Variants in CCSER1 observed in about 807,000 individuals in gnomAD.
CCSER1 encodes serine-rich coiled-coil domain-containing protein 1.
In CCSER1, 41 loss-of-function variants were observed where a neutral mutation model predicts 82.0. That is an observed-to-expected ratio of 0.50 (90% CI 0.39 to 0.65). The LOEUF (loss-of-function observed/expected upper bound fraction) is 0.65, where lower values mean the gene tolerates loss of function less well. CCSER1 is among the 30% of genes least tolerant of loss of function. The probability of loss-of-function intolerance (pLI) is 0.00; values close to 1 mark genes in which losing one functional copy is unlikely to be tolerated. For synonymous variants in CCSER1, 414 were observed against 383.9 expected, an observed-to-expected ratio of 1.08 and a Z score of -0.92; for missense variants, 1,119 against 1,064.2, an observed-to-expected ratio of 1.05 and a Z score of -0.72.
intron 9 of CCSER1, among the ~76,000 whole-genome samples, chr4:91,078,775 G>T (rs145266211): frequency 6.6e-6 from 1 of 152,194 alleles, no homozygotes; most frequent in Non-Finnish European, 1.5e-5. Context: ...CGAGAACTAC[G>T]TGATGAATGC....
intron 3 of CCSER1, among the ~76,000 whole-genome samples, chr4:90,373,159 G>A (rs1209842404): frequency 1.3e-5 from 2 of 152,002 alleles, no homozygotes; most frequent in East Asian, 1.9e-4. Context: ...AGATGTATAG[G>A]GAGTGTATGT....
At chr4:91,540,097 A>G (rs1476910284) in intron 10 of CCSER1, among the ~76,000 whole-genome samples, 1 of 152,044 alleles carries the variant, frequency 6.6e-6, no homozygotes, top group African/African-American at 2.4e-5. Context: ...GAGCTTTTTT[A>G]TGCTCATAGA....
At chr4:90,841,140 C>T (rs116597168) in intron 8 of CCSER1, among the ~76,000 whole-genome samples, 25,481 of 150,618 alleles carry the variant, frequency 0.17, 2,542 homozygotes, top group South Asian at 0.27. Flanking sequence ...AAACCTCAGC[C>T]AATGTAGAAG....
chr4:91,577,664 C>G (rs1763515059), intron 10 of CCSER1, among the ~76,000 whole-genome samples: 2 of 151,880 alleles, frequency 1.3e-5, no homozygotes, highest in Non-Finnish European at 1.5e-5. Flanking sequence ...TTAAGCGATA[C>G]TTGAGAATAT....
intron 1 of CCSER1, among the ~76,000 whole-genome samples, chr4:90,174,337 C>T (rs924867151): frequency 1.2e-4 from 18 of 151,948 alleles, no homozygotes; most frequent in Non-Finnish European, 2.4e-4. Flanking sequence ...TAACAGGGAT[C>T]AGATCTGACC....
chr4:90,573,369 A>G (rs1459810434), intron 5 of CCSER1, among the ~76,000 whole-genome samples: 3 of 152,230 alleles, frequency 2.0e-5, no homozygotes, highest in South Asian at 4.1e-4. Context: ...ATATGGGACT[A>G]TAGGGATATC....
At chr4:90,569,822 T>G (rs1579220017) in intron 5 of CCSER1, among the ~76,000 whole-genome samples, 2 of 152,272 alleles carry the variant, frequency 1.3e-5, no homozygotes, top group African/African-American at 4.8e-5. Context: ...CTGAGGTGCA[T>G]CTGATCCATC....
intron 10 of CCSER1, among the ~76,000 whole-genome samples, chr4:91,474,524 C>G (rs1757457834): frequency 6.6e-6 from 1 of 151,228 alleles, no homozygotes; most frequent in African/African-American, 2.4e-5. Context: ...ATGATTACAT[C>G]AATTTTTTAA....
intron 3 of CCSER1, among the ~76,000 whole-genome samples, chr4:90,391,487 C>CATAT (rs1270234370): frequency 2.0e-5 from 1 of 49,076 alleles, no homozygotes; most frequent in African/African-American, 1.2e-4. Flanking sequence ...TATATATATA[C>CATAT]ACACACACAG....
chr4:90,894,255 C>G (rs1227346828), intron 8 of CCSER1, among the ~76,000 whole-genome samples: 1 of 152,000 alleles, frequency 6.6e-6, no homozygotes, highest in Non-Finnish European at 1.5e-5. Context: ...ATATTACTTA[C>G]TTTATAGCTT....
chr4:90,232,231 G>T (rs982089379), intron 1 of CCSER1, among the ~76,000 whole-genome samples: 2 of 151,708 alleles, frequency 1.3e-5, no homozygotes, highest in African/African-American at 4.9e-5. Flanking sequence ...TATACTACAA[G>T]GCTACAGTAA....
At chr4:90,301,675 C>T (rs1279279723) in intron 1 of CCSER1, among the ~76,000 whole-genome samples, 1 of 151,980 alleles carries the variant, frequency 6.6e-6, no homozygotes. Flanking sequence ...GTTCAACCTT[C>T]ATATTTTTAA....
At chr4:90,217,329 T>C (rs1325637052) in intron 1 of CCSER1, among the ~76,000 whole-genome samples, 1 of 152,170 alleles carries the variant, frequency 6.6e-6, no homozygotes, top group Non-Finnish European at 1.5e-5. Context: ...CCTGAGTAGC[T>C]GGAATTACAG....
intron 10 of CCSER1, among the ~76,000 whole-genome samples, chr4:91,228,619 A>G (rs2149111359): frequency 6.6e-6 from 1 of 152,216 alleles, no homozygotes; most frequent in South Asian, 2.1e-4. Flanking sequence ...AAATTTAAAG[A>G]AGTATTTTGA....
intron 10 of CCSER1, among the ~76,000 whole-genome samples, chr4:91,539,946 C>G (rs544612356): frequency 2.6e-5 from 4 of 151,748 alleles, no homozygotes; most frequent in Non-Finnish European, 1.5e-5. Flanking sequence ...TGATGTGATT[C>G]GATAAAAGAA....
intron 6 of CCSER1, among the ~76,000 whole-genome samples, chr4:90,633,788 G>A (rs1655036731): frequency 2.0e-5 from 3 of 151,752 alleles, no homozygotes; most frequent in South Asian, 4.1e-4. Context: ...TTTTAATTTT[G>A]AGGTGAGCTA....
chr4:91,510,452 T>C (rs779263264), intron 10 of CCSER1, among the ~76,000 whole-genome samples: 5 of 152,208 alleles, frequency 3.3e-5, no homozygotes, highest in Non-Finnish European at 7.3e-5. Flanking sequence ...TTCTCACCAG[T>C]ATAAAGGCAT....
intron 8 of CCSER1, among the ~76,000 whole-genome samples, chr4:90,835,501 C>A (rs1761696214): frequency 6.6e-6 from 1 of 152,130 alleles, no homozygotes; most frequent in Non-Finnish European, 1.5e-5. Flanking sequence ...TACCGTGGAG[C>A]CATGAGACCA....
intron 1 of CCSER1, among the ~76,000 whole-genome samples, chr4:90,173,306 A>G (rs1020203249): frequency 5.3e-5 from 8 of 151,322 alleles, no homozygotes; most frequent in Non-Finnish European, 8.8e-5. Flanking sequence ...TGTTTGTTAT[A>G]TGAAAGTATT....
Sources: allele counts gnomAD v4.1 joint callset (sites outside exome capture counted in the v4.1 genomes callset), GRCh38; gene constraint gnomAD v4.1.1; transcripts MANE v1.5; gene names NCBI Gene and HGNC (gene_info 2026-07-23, HGNC 2026-07-21).